The following PRKAG3 variants were observed in gnomAD, a reference collection of about 807,000 sequenced individuals.
PRKAG3 encodes the protein protein kinase AMP-activated non-catalytic subunit gamma 3, also known as 5'-AMP-activated protein kinase subunit gamma-3.
In PRKAG3, 39 loss-of-function variants were observed where a neutral mutation model predicts 56.5. That is an observed-to-expected ratio of 0.69 (90% CI 0.53 to 0.90). The LOEUF (loss-of-function observed/expected upper bound fraction) is 0.90. PRKAG3 is among the 40% of genes least tolerant of loss of function. The pLI is 0.00. For missense variants in PRKAG3, 628 were observed against 627.5 expected (o/e 1.00, Z -0.01); for synonymous variants, 243 against 250.1 (o/e 0.97, Z 0.27).
rs375795732 is a variant in PRKAG3, at chr2:218,828,369, A to T, written c.715+150T>A. 3.6e-5 allele frequency: 30 copies of T among 844,352 alleles called. No individual in the cohort carries two copies. In the African/African-American group the frequency reaches 5.0e-4, roughly 14 times the overall value. 52.3% of individuals were successfully genotyped at this position (844,352 alleles called of 1,614,324 possible). A position where few individuals can be genotyped will look rare whatever the true frequency, so the allele number is the denominator to read the frequency against. On this transcript the variant is annotated intron_variant, in intron 5 of 12. Transcript: ENST00000529249. ...CAGGGTCTCCCAGCTGGCCATGCAGACTCCGGATGGACTTTCCTCCACCCT... is the reference window on the plus strand; with the variant it reads ...CAGGGTCTCCCAGCTGGCCATGCAGTCTCCGGATGGACTTTCCTCCACCCT...
intron 3 of PRKAG3, 60 bp downstream of exon 3, chr2:218,830,686 C>G: frequency 6.4e-7 from 1 of 1,573,384 alleles, no homozygotes; most frequent in Non-Finnish European, 8.6e-7. Flanking sequence ...CAGACCCAGG[C>G]TCCTCTGGGA....
chr2:218,827,912 A>C lies in PRKAG3; in HGVS notation c.775-34T>G. The stretch of plus-strand genomic sequence containing the variant: ...ATCGACAGGACTCCAGAAGTCAGAA[A>C]GACGTGGGCTTCTAGGGCACCAGGC... On this transcript the variant is annotated intron_variant, in intron 6 of 12. Coordinates refer to ENST00000529249, the Ensembl canonical transcript of PRKAG3. This position sits in a 1 kb window ranked among gnomAD's most constrained non-coding sequence, Gnocchi z 5.3. The C allele has an allele frequency of 6.2e-7, 1 of 1,613,124 alleles. No homozygotes were observed. The highest frequency in any genetic ancestry group is 8.5e-7 in the Non-Finnish European group (1 of 1,179,258).
At chr2:218,830,753 C>T in exon 3 of PRKAG3, 4 of 1,612,408 alleles carry the variant, frequency 2.5e-6, no homozygotes, top group Non-Finnish European at 3.4e-6. Context: ...CACCTTCCCC[C>T]TGACCTGGTG....
intron 1 of PRKAG3, 121 bp downstream of exon 1, chr2:218,831,617 G>A (rs1170691987): frequency 8.1e-6 from 11 of 1,351,578 alleles, no homozygotes; most frequent in East Asian, 7.5e-5. Context: ...CCATATTCAC[G>A]AGAAAATCCA....
At chr2:218,823,816 G>A (rs764975621) in exon 13 of PRKAG3, 1 of 1,614,164 alleles carries the variant, frequency 6.2e-7, no homozygotes. Flanking sequence ...CCTGAAGGAT[G>A]TCGGAGAGGG....
chr2:218,825,190 G>T (rs1943914107), intron 10 of PRKAG3, among the ~76,000 whole-genome samples: 2 of 151,984 alleles, frequency 1.3e-5, no homozygotes. Context: ...CAAAAAATTA[G>T]CCAGGTGTGA....
At chr2:218,824,409 G>T in intron 11 of PRKAG3, 41 bp from the exon 12 acceptor site, 1 of 1,613,934 alleles carries the variant, frequency 6.2e-7, no homozygotes, top group Non-Finnish European at 8.5e-7. Context: ...TCACCCCCTT[G>T]CCTGGGCTCC....
exon 4 of PRKAG3, chr2:218,830,235 C>T: frequency 6.2e-7 from 1 of 1,614,062 alleles, no homozygotes; most frequent in Non-Finnish European, 8.5e-7. Context: ...CTGGAGCCTG[C>T]AGCTGAGGCT....
At chr2:218,822,347 G>T (rs1943859157), downstream of PRKAG3, 2 of 152,166 alleles carry the variant, frequency 1.3e-5, no homozygotes, top group South Asian at 4.1e-4. Flanking sequence ...GTAAAGAAAA[G>T]AGAAGAAAGA....
rs35050588 is a variant in PRKAG3 at position 218,830,154 on chromosome 2, G to T, written c.457C>A (p.Leu153Met). The T allele has an allele frequency of 2.5e-4, 410 of 1,614,120 alleles. 2 individuals carry two copies. The Middle Eastern group carries it at 3.8e-3, about 15-fold the overall frequency. ...AGGCACAGGGCAGGCCTCTCTTCCA[G>T]CAGGCCTTCTAGCTCACACTCCCAG... The change falls in exon 4 of 13, where the codon CTG becomes ATG. Residue 153 changes from leucine to methionine, a missense_variant. Physicochemically the swap from Leu to Met is conservative, Grantham distance 15. Transcript: ENST00000529249.
rs752145834 is a variant in PRKAG3, at chr2:218,827,303, C to T, written c.946G>A (p.Gly316Ser). Residue 316 changes from glycine to serine, a missense_variant, in exon 9 of 13, where the codon GGC becomes AGC. Gly to Ser is a moderately conservative substitution (Grantham distance 56, BLOSUM62 0). Transcript: ENST00000529249. The surrounding 1 kb of genome is among the most constrained non-coding windows in gnomAD (Gnocchi z 5.3). ...TGTGTGAGGATGTGGAGTACGTTGC[C>T]TGACACCGGGTCAAGAACAGGCAGG... The T allele has an allele frequency of 3.1e-6, 5 of 1,614,194 alleles. No individual in the cohort carries two copies. The South Asian group carries it at 3.3e-5, about 11-fold the overall frequency.
chr2:218,823,093 AG>A, downstream of PRKAG3: 1 of 930,478 alleles, frequency 1.1e-6, no homozygotes, highest in Non-Finnish European at 1.3e-6. Context: ...GGAAAAGAAA[AG>A]GGAAGATGGT....
rs142485440 is a variant in PRKAG3, at chr2:218,824,208, A to G, written c.1353+14T>C. Reference sequence around the variant, plus strand: ...CTATATGTGTTGGGGGCATGAATGGAGGGCACACGGTACCTGCTCCCGAGC... The same window carrying G: ...CTATATGTGTTGGGGGCATGAATGGGGGGCACACGGTACCTGCTCCCGAGC... On this transcript the variant is annotated intron_variant, in intron 12 of 12. Coordinates refer to ENST00000529249, the Ensembl canonical transcript of PRKAG3. 1.4e-5 allele frequency: 23 copies of G among 1,614,038 alleles called. No individual in the cohort carries two copies. In the African/African-American group the frequency reaches 2.9e-4, roughly 21 times the overall value.
exon 4 of PRKAG3, chr2:218,830,189 G>A (rs372672476): frequency 4.3e-6 from 7 of 1,614,140 alleles, no homozygotes; most frequent in Non-Finnish European, 4.2e-6. Context: ...GGCCTCTGTG[G>A]CTGGGAACTC....
At chr2:218,828,004 C>T in exon 6 of PRKAG3, 2 of 1,574,566 alleles carry the variant, frequency 1.3e-6, no homozygotes, top group Non-Finnish European at 1.7e-6. Context: ...CACTCCTCAC[C>T]AGGGGGGACC....
intron 10 of PRKAG3, among the ~76,000 whole-genome samples, chr2:218,825,067 A>T (rs1388573863): frequency 6.6e-6 from 1 of 152,174 alleles, no homozygotes; most frequent in African/African-American, 2.4e-5. Flanking sequence ...TGTTTTGAAC[A>T]CATCAACTAT....
chr2:218,829,882 A>G, intron 4 of PRKAG3, 96 bp downstream of exon 4: 1 of 1,501,620 alleles, frequency 6.7e-7, no homozygotes, highest in Non-Finnish European at 9.1e-7. Flanking sequence ...TTGCAGGGGC[A>G]CCTGGCTCAG....
At chr2:218,823,141 G>T, downstream of PRKAG3, 8 of 841,744 alleles carry the variant, frequency 9.5e-6, no homozygotes, top group Non-Finnish European at 1.1e-5. Flanking sequence ...TCCAACAGGG[G>T]ACCCTTGCCA....
At chr2:218,823,424 C>T in exon 13 of PRKAG3, 1 of 361,106 alleles carries the variant, frequency 2.8e-6, no homozygotes, top group Non-Finnish European at 5.3e-6. Flanking sequence ...ACATCGCAGC[C>T]TTAGCTTTTA....
Sources: allele counts gnomAD v4.1 joint callset (sites outside exome capture counted in the v4.1 genomes callset), GRCh38; gene constraint gnomAD v4.1.1; non-coding constraint Gnocchi (gnomAD v3.1); transcripts MANE v1.5; gene names NCBI Gene and HGNC (gene_info 2026-07-23, HGNC 2026-07-21).